Variants in GPAM observed in about 807,000 individuals in gnomAD.
GPAM encodes glycerol-3-phosphate acyltransferase 1, mitochondrial.
GPAM carries 56 observed loss-of-function variants against 105.0 expected under a neutral mutation model. That is an observed-to-expected ratio of 0.53 (90% CI 0.43 to 0.67). The LOEUF is 0.67. GPAM is among the 30% of genes least tolerant of loss of function. The pLI, the probability that GPAM is intolerant of heterozygous loss-of-function variation, is 0.00. For synonymous variants in GPAM, 368 were observed against 354.4 expected, an observed-to-expected ratio of 1.04 and a Z score of -0.43; for missense variants, 855 against 989.8, an observed-to-expected ratio of 0.86 and a Z score of 1.83.
At chr10:112,177,961 A>C (rs1262636260) in intron 5 of GPAM, 23 bp downstream of exon 5, 1 of 1,347,332 alleles carries the variant, frequency 7.4e-7, no homozygotes, top group African/African-American at 1.4e-5. Context: ...GATGTATTAA[A>C]AACATAAGAA....
chr10:112,203,175 A>G (rs1483907320), intron 1 of GPAM, among the ~76,000 whole-genome samples: 1 of 152,232 alleles, frequency 6.6e-6, no homozygotes, highest in Non-Finnish European at 1.5e-5. Context: ...CATCTAGCTA[A>G]GATGGAAATA....
At chr10:112,163,648 C>A in intron 14 of GPAM, 53 bp downstream of exon 14, 1 of 883,372 alleles carries the variant, frequency 1.1e-6, no homozygotes, top group Non-Finnish European at 1.9e-6. Flanking sequence ...TAGTTTGCAC[C>A]ATACCATGAT....
At chr10:112,194,787 C>G (rs974223896) in intron 1 of GPAM, among the ~76,000 whole-genome samples, 4 of 152,128 alleles carry the variant, frequency 2.6e-5, no homozygotes, top group South Asian at 2.1e-4. Context: ...TTTCTTTCTA[C>G]CCCCCTAGAT....
chr10:112,153,245 A>C lies in GPAM; in HGVS notation c.*305T>G. ...ACAGTAATTAGTCCTTAAAAGTTGT[A>C]CTTAAAATGTCAATCTTTAATAAAC... On this transcript the variant is annotated 3_prime_UTR_variant, in exon 22 of 22. Transcript: ENST00000348367. 1 of 1,198,014 alleles carries C rather than the reference A, an allele frequency of 8.3e-7. No homozygotes were observed. The highest frequency in any genetic ancestry group is 1.9e-5 in the South Asian group (1 of 53,920). 74.2% of individuals were successfully genotyped at this position (1,198,014 alleles called of 1,614,324 possible).
rs774152608 is a variant in GPAM, at chr10:112,175,581, C to T, written c.413+19G>A. 1.8e-5 allele frequency: 24 copies of T among 1,341,270 alleles called. No individual in the cohort carries two copies. The highest frequency in any genetic ancestry group is 2.3e-5 in the Non-Finnish European group (21 of 930,682). 83.1% of individuals were successfully genotyped at this position (1,341,270 alleles called of 1,614,324 possible). ...CCATCCCTGCCTCTTCCCACCTTTA[C>T]ACCTTGCCCCGCCCTTACCTACTGC... On this transcript the variant is annotated intron_variant, in intron 6 of 21. Transcript: ENST00000348367.
chr10:112,164,384 TC>T, intron 13 of GPAM, 140 bp downstream of exon 13: 1 of 652,906 alleles, frequency 1.5e-6, no homozygotes, highest in Non-Finnish European at 2.8e-6. Flanking sequence ...CATCTCAATA[TC>T]CCTTATTGGA....
chr10:112,191,288 C>T (rs1488229974), intron 1 of GPAM, among the ~76,000 whole-genome samples: 2 of 152,210 alleles, frequency 1.3e-5, no homozygotes, highest in African/African-American at 4.8e-5. Flanking sequence ...AGTAAGCAGC[C>T]AGGCTTCTGG....
chr10:112,218,974 A>G (rs1012111276), upstream of GPAM, among the ~76,000 whole-genome samples: 1 of 152,164 alleles, frequency 6.6e-6, no homozygotes, highest in African/African-American at 2.4e-5. Flanking sequence ...TGTATCAGCA[A>G]GGTCTTTGTG....
At chr10:112,203,110 G>C (rs748186871) in intron 1 of GPAM, among the ~76,000 whole-genome samples, 1 of 152,132 alleles carries the variant, frequency 6.6e-6, no homozygotes, top group Non-Finnish European at 1.5e-5. Flanking sequence ...GTGGTAGGGG[G>C]AGCAGAGGGG....
chr10:112,224,408 C>T, the GPAM span, among the ~76,000 whole-genome samples: 4 of 152,292 alleles, frequency 2.6e-5, no homozygotes, highest in Non-Finnish European at 5.9e-5. Flanking sequence ...TGCCTTGTTT[C>T]TCCACTGGCA....
chr10:112,224,280 T>C, the GPAM span, among the ~76,000 whole-genome samples: 1 of 152,244 alleles, frequency 6.6e-6, no homozygotes, highest in South Asian at 2.1e-4. Context: ...AGTTAAATTA[T>C]TTCATACACA....
intron 9 of GPAM, among the ~76,000 whole-genome samples, chr10:112,169,701 C>T (rs1564678708): frequency 1.3e-5 from 2 of 152,152 alleles, no homozygotes; most frequent in South Asian, 2.1e-4. Flanking sequence ...TCCCAAACCC[C>T]GGGGCCACGG....
Position 112,173,057 on chromosome 10 carries a change from C to T in GPAM, c.570G>A (p.Gly190=). The T allele has an allele frequency of 6.3e-7, 1 of 1,588,352 alleles. No individual in the cohort carries two copies. The highest frequency in any genetic ancestry group is 8.6e-7 in the Non-Finnish European group (1 of 1,156,584). The part of the protein sequence containing the change: ...TVSPAMIRLT[G]WVLLKLFNSF... ...TGTTGAACAGTTTTAGCAGCACCCA[C>T]CCAGTCAGTCTGAAACAAAGTACAA... is the stretch of plus-strand genomic sequence containing the variant. The change falls in exon 8 of 22, where the codon GGG becomes GGA. Residue 190 remains glycine (G), a synonymous_variant. Transcript: ENST00000348367.
At chr10:112,224,205 G>A in the GPAM span, among the ~76,000 whole-genome samples, 1 of 152,202 alleles carries the variant, frequency 6.6e-6, no homozygotes, top group East Asian at 1.9e-4. Context: ...TTCCTTCAAT[G>A]TAAAACATTC....
chr10:112,204,100 G>A (rs373424406), intron 1 of GPAM, among the ~76,000 whole-genome samples: 8 of 152,148 alleles, frequency 5.3e-5, no homozygotes, highest in African/African-American at 1.4e-4. Context: ...CTAAGAACCC[G>A]TGCCTAATCA....
rs911188814 is a variant in GPAM at position 112,150,121 on chromosome 10, T to C, written c.*3429A>G. 5 of 983,862 alleles carry C rather than the reference T, an allele frequency of 5.1e-6. No homozygotes were observed. The highest frequency in any genetic ancestry group is 4.8e-6 in the Non-Finnish European group (4 of 828,578). 60.9% of individuals were successfully genotyped at this position (983,862 alleles called of 1,614,324 possible). On this transcript the variant is annotated 3_prime_UTR_variant, in exon 22 of 22. Transcript: ENST00000348367. ...AATAAGGTCAAGAATCTCTTTCAAA[T>C]GCAATCATTAGTTTGTATTAAACTA...
the GPAM span, among the ~76,000 whole-genome samples, chr10:112,224,442 C>T: frequency 3.9e-5 from 6 of 152,062 alleles, no homozygotes; most frequent in African/African-American, 9.7e-5. Flanking sequence ...GCTTTCTGGC[C>T]TTAGGTTGCA....
intron 17 of GPAM, among the ~76,000 whole-genome samples, chr10:112,158,880 C>T (rs1417200188): frequency 1.3e-5 from 2 of 152,156 alleles, no homozygotes; most frequent in East Asian, 3.8e-4. Flanking sequence ...TCATCCCTTC[C>T]ATCCCACCAC....
At chr10:112,157,469 G>A (rs75818360) in intron 18 of GPAM, 80 bp from the exon 19 acceptor site, 52,812 of 1,312,530 alleles carry the variant, frequency 0.04, 1,317 homozygotes, top group Non-Finnish European at 0.05. Flanking sequence ...GGACAAGGCA[G>A]TCCTCTTCTC....
Sources: gnomAD v4.1 joint callset for allele counts (sites outside exome capture counted in the v4.1 genomes callset) on GRCh38, gnomAD v4.1.1 for gene constraint, MANE v1.5 for transcripts, NCBI Gene and HGNC (gene_info 2026-07-23, HGNC 2026-07-21) for gene names.